HCCS: variants seen among roughly 807,000 people sequenced by gnomAD.
HCCS encodes holocytochrome c-type synthase.
HCCS carries 2 observed loss-of-function variants against 24.2 expected under a neutral mutation model. The observed-to-expected ratio is 0.08, with a 90% CI of 0.03 to 0.26. HCCS has a LOEUF of 0.26. HCCS is among the 10% of genes least tolerant of loss of function. HCCS has a pLI of 1.00. For missense variants in HCCS, 150 were observed against 213.3 expected (o/e 0.70, Z 1.85); for synonymous variants, 73 against 76.2 (o/e 0.96, Z 0.22).
chrX:11,118,638 C>G lies in HCCS; in HGVS notation c.521+18C>G. 8.3e-7 allele frequency: 1 copy of G among 1,198,209 alleles called. No homozygotes were observed. The highest frequency in any genetic ancestry group is 3.0e-5 in the East Asian group (1 of 33,795). On this transcript the variant is annotated intron_variant, in intron 5 of 6. Coordinates refer to ENST00000380762, the MANE Select transcript of HCCS (RefSeq NM_005333.5). The stretch of plus-strand genomic sequence containing the variant: ...CATGCTGCGTAAGTATGTTTGAGAT[C>G]TTAAATGTTTCAAGCATCTTTGTTA...
chrX:11,114,775 T>C (rs2045435955), intron 2 of HCCS, 60 bp from the exon 3 acceptor site: 1 of 1,046,224 alleles, frequency 9.6e-7, no homozygotes. Flanking sequence ...AGTGCTCCAA[T>C]TGAGAGAGTT....
At chrX:11,115,177 A>C (rs1474109558) in intron 3 of HCCS, among the ~76,000 whole-genome samples, 191 bp downstream of exon 3, 1 of 112,350 alleles carries the variant, frequency 8.9e-6, no homozygotes, top group Non-Finnish European at 1.9e-5. Flanking sequence ...TGGGAAAAAA[A>C]CCAGAGTGAT....
At chrX:11,119,451 G>A (rs1254270917) in intron 5 of HCCS, among the ~76,000 whole-genome samples, 1 of 111,745 alleles carries the variant, frequency 8.9e-6, no homozygotes, top group African/African-American at 3.3e-5. Flanking sequence ...GGTCCCACCC[G>A]CAGGATGTCT....
intron 4 of HCCS, chrX:11,118,214 A>G: frequency 2.9e-6 from 1 of 343,563 alleles, no homozygotes; most frequent in Non-Finnish European, 5.3e-6. Context: ...TTAAAAATAG[A>G]TGATTCTGTA....
At chrX:11,118,091 A>G (rs2045462349) in intron 4 of HCCS, among the ~76,000 whole-genome samples, 1 of 112,448 alleles carries the variant, frequency 8.9e-6, no homozygotes, top group African/African-American at 3.2e-5. Flanking sequence ...ACATAAAATT[A>G]ACCATCACAG....
At chrX:11,114,041 G>GT (rs780043115) in intron 2 of HCCS, among the ~76,000 whole-genome samples, 1 of 112,936 alleles carries the variant, frequency 8.9e-6, no homozygotes, top group East Asian at 2.8e-4. Context: ...CTCTGAACCA[G>GT]TTTCCCAGTC....
At chrX:11,119,312 C>G (rs1347883449) in intron 5 of HCCS, among the ~76,000 whole-genome samples, 1 of 111,925 alleles carries the variant, frequency 8.9e-6, no homozygotes, top group Non-Finnish European at 1.9e-5. Flanking sequence ...CTCTTTTTCT[C>G]AAGGAGAATA....
intron 2 of HCCS, among the ~76,000 whole-genome samples, chrX:11,112,582 G>A (rs1602700630): frequency 8.9e-6 from 1 of 112,544 alleles, no homozygotes. Flanking sequence ...GTTATTTTGC[G>A]TCTTATTGAG....
intron 1 of HCCS, 52 bp from the exon 2 acceptor site, chrX:11,111,967 C>A: frequency 1.5e-6 from 1 of 668,981 alleles, no homozygotes; most frequent in Non-Finnish European, 2.5e-6. Flanking sequence ...TTAGGACTAA[C>A]GAGAGAATAG....
intron 5 of HCCS, among the ~76,000 whole-genome samples, chrX:11,119,235 T>C (rs190244105): frequency 8.0e-4 from 90 of 111,876 alleles, no homozygotes; most frequent in African/African-American, 2.8e-3. Context: ...AAGACATTTT[T>C]GTTCCCTCAA....
At chrX:11,121,485 T>A (rs2045491311) in intron 6 of HCCS, 127 bp from the exon 7 acceptor site, 2 of 555,936 alleles carry the variant, frequency 3.6e-6, no homozygotes, top group East Asian at 6.9e-5. Context: ...ATTCTTCAAG[T>A]CTGACTTCCC....
At chrX:11,121,216 C>T (rs2045488745) in intron 6 of HCCS, among the ~76,000 whole-genome samples, 1 of 112,839 alleles carries the variant, frequency 8.9e-6, no homozygotes, top group Non-Finnish European at 1.9e-5. Context: ...GAGTTATTGT[C>T]AATGTTCTTG....
intron 2 of HCCS, among the ~76,000 whole-genome samples, chrX:11,112,396 A>G (rs2147249135): frequency 9.0e-6 from 1 of 111,487 alleles, no homozygotes; most frequent in Admixed American, 9.4e-5. Flanking sequence ...TGAGGTGGGT[A>G]GGATCGCCTG....
Position 11,122,055 on chromosome X carries a change from T to G in HCCS, c.*245T>G. The stretch of plus-strand genomic sequence containing the variant: ...TAAGTGGGAAGCAGTCTCTCAGTTT[T>G]TCCTTTACCTGCAGTATTGTCTGTA... On this transcript the variant is annotated 3_prime_UTR_variant, in exon 7 of 7. Coordinates refer to ENST00000380762, the MANE Select transcript of HCCS (RefSeq NM_005333.5). The G allele has an allele frequency of 5.3e-6, 2 of 380,734 alleles. No individual in the cohort carries two copies. Among genetic ancestry groups the G allele is most frequent in the Non-Finnish European group, 4.6e-6 (1 of 217,743 alleles). 31.4% of individuals were successfully genotyped at this position (380,734 alleles called of 1,213,427 possible).
At position 11,112,346 on chromosome X, in the gene HCCS, C is replaced by G. The variant is rs770916358; in HGVS notation, c.100+186C>G. Among the ~76,000 whole-genome samples, 16 of 111,788 alleles carry G rather than the reference C, an allele frequency of 1.4e-4. No individual in the cohort carries two copies. In the South Asian group the frequency reaches 6.1e-3, roughly 43 times the overall value. The stretch of plus-strand genomic sequence containing the variant: ...CAAAAAAATACAAACATTAGCCAGA[C>G]GTGCTGGTGGGTGCCCGTAGTACCA... On this transcript the variant is annotated intron_variant, in intron 2 of 6. Coordinates refer to ENST00000380762, the MANE Select transcript of HCCS (RefSeq NM_005333.5).
At chrX:11,111,945 G>T in intron 1 of HCCS, 74 bp from the exon 2 acceptor site, 1 of 582,778 alleles carries the variant, frequency 1.7e-6, no homozygotes, top group South Asian at 2.4e-5. Flanking sequence ...GGAGGAACAA[G>T]GGTTGACCAG....
intron 3 of HCCS, among the ~76,000 whole-genome samples, chrX:11,116,650 C>T (rs2045450376): frequency 8.9e-6 from 1 of 112,396 alleles, no homozygotes; most frequent in Admixed American, 9.4e-5. Context: ...AAAAATTGTC[C>T]AGCTCCAAAT....
At chrX:11,116,079 A>G (rs2045446115) in intron 3 of HCCS, 1 of 112,304 alleles carries the variant, frequency 8.9e-6, no homozygotes, top group Admixed American at 9.4e-5. Context: ...GTCACTTTTT[A>G]AAAATTTTTT....
chrX:11,118,161 TAG>T (rs941300280), intron 4 of HCCS, among the ~76,000 whole-genome samples: 16 of 112,352 alleles, frequency 1.4e-4, no homozygotes, highest in African/African-American at 5.2e-4. Flanking sequence ...TAGAAAAAGT[TAG>T]GGGATCATTG....
Sources: gnomAD v4.1 joint callset for allele counts (sites outside exome capture counted in the v4.1 genomes callset) on GRCh38, gnomAD v4.1.1 for gene constraint, MANE v1.5 for transcripts, NCBI Gene and HGNC (gene_info 2026-07-23, HGNC 2026-07-21) for gene names.